The following DLGAP2 variants were observed in gnomAD, a reference collection of about 807,000 sequenced individuals.
DLGAP2 encodes disks large-associated protein 2.
Under a neutral mutation model 100.3 loss-of-function variants are expected in DLGAP2, and 26 were observed. The ratio of observed to expected loss-of-function variants is 0.26; its 90% CI spans 0.19 to 0.36. The LOEUF (loss-of-function observed/expected upper bound fraction) is 0.36, where lower values mean the gene tolerates loss of function less well. Ranked by LOEUF, DLGAP2 falls within the 10% of genes least tolerant of loss-of-function variation. The probability of loss-of-function intolerance (pLI) is 1.00; values close to 1 mark genes in which losing one functional copy is unlikely to be tolerated. For missense variants in DLGAP2, 1,858 were observed against 1,453.2 expected, an observed-to-expected ratio of 1.28 and a Z score of -4.53; for synonymous variants, 886 against 630.1, an observed-to-expected ratio of 1.41 and a Z score of -6.08.
intron 4 of DLGAP2, among the ~76,000 whole-genome samples, chr8:1,506,849 C>G (rs1451062519): frequency 6.6e-6 from 1 of 152,154 alleles, no homozygotes; most frequent in Non-Finnish European, 1.5e-5. Flanking sequence ...ACTAGATGAG[C>G]TAGACACAGA....
intron 1 of DLGAP2, chr8:754,341 T>C (rs149969443): frequency 6.6e-6 from 1 of 152,238 alleles, no homozygotes; most frequent in African/African-American, 2.4e-5. Flanking sequence ...CCTTAAACAA[T>C]GGGACAACTC....
At chr8:1,417,657 C>G (rs546584862) in intron 3 of DLGAP2, among the ~76,000 whole-genome samples, 1 of 146,818 alleles carries the variant, frequency 6.8e-6, no homozygotes, top group African/African-American at 2.6e-5. Context: ...AGCCCCACTC[C>G]TGCCTCACTC....
At chr8:1,222,395 G>T (rs1432886494) in intron 2 of DLGAP2, among the ~76,000 whole-genome samples, 2 of 152,140 alleles carry the variant, frequency 1.3e-5, no homozygotes, top group African/African-American at 4.8e-5. Flanking sequence ...AACCCTGGGG[G>T]GCTAGGACCA....
intron 8 of DLGAP2, among the ~76,000 whole-genome samples, chr8:1,633,890 G>A (rs1797709833): frequency 6.6e-6 from 1 of 152,220 alleles, no homozygotes; most frequent in South Asian, 2.1e-4. Flanking sequence ...AATAGCATTA[G>A]GAACAGCAGA....
At chr8:1,329,415 G>A (rs17816581) in intron 3 of DLGAP2, among the ~76,000 whole-genome samples, 28,513 of 152,098 alleles carry the variant, frequency 0.19, 2,906 homozygotes, top group Admixed American at 0.28. Flanking sequence ...AGCTAGATCC[G>A]TTTTTCGAAG....
intron 3 of DLGAP2, among the ~76,000 whole-genome samples, chr8:1,357,286 G>C (rs1333351941): frequency 6.6e-6 from 1 of 152,074 alleles, no homozygotes; most frequent in Non-Finnish European, 1.5e-5. Context: ...TCAGGGCAGT[G>C]CTTCTCTGGC....
chr8:1,175,920 G>C (rs1223442750), intron 2 of DLGAP2, among the ~76,000 whole-genome samples: 2 of 152,104 alleles, frequency 1.3e-5, no homozygotes, highest in African/African-American at 4.8e-5. Flanking sequence ...CCTCCCTCTC[G>C]GCTTTGCCAT....
Position 1,156,591 on chromosome 8 carries a change from C to CAGCACCCCAGCCT in DLGAP2, c.74-102257_74-102256insACCCCAGCCTAGC, listed in dbSNP as rs1563219975. ...AGCGCCCCTGCTCAGCCCCCCAGCC[C>CAGCACCCCAGCCT]AGCGCCCCAGCCTAGCGTCCCAGCC... On this transcript the variant is annotated intron_variant, in intron 2 of 14. Coordinates refer to ENST00000637795, the MANE Select transcript of DLGAP2 (RefSeq NM_001346810.2). 3.0e-5 allele frequency among the ~76,000 whole-genome samples: 3 copies of CAGCACCCCAGCCT among 99,174 alleles called. No homozygotes were observed. The East Asian group carries it at 8.5e-4, about 28-fold the overall frequency. The allele number at this position is 99,174 out of a possible 152,430, so 65.1% of individuals were successfully genotyped here. A position where few individuals can be genotyped will look rare whatever the true frequency, so the allele number is the denominator to read the frequency against.
chr8:1,139,695 A>T (rs1002791691), intron 2 of DLGAP2, among the ~76,000 whole-genome samples: 2 of 152,102 alleles, frequency 1.3e-5, no homozygotes, highest in Non-Finnish European at 2.9e-5. Flanking sequence ...GCCACCTAGA[A>T]CTGTGGCACC....
intron 3 of DLGAP2, among the ~76,000 whole-genome samples, chr8:1,428,317 T>C (rs1448879947): frequency 6.6e-6 from 1 of 152,080 alleles, no homozygotes; most frequent in African/African-American, 2.4e-5. Flanking sequence ...AAGGACAATT[T>C]GTCTAAAAAA....
chr8:1,484,217 A>G (rs1799181633), intron 3 of DLGAP2, among the ~76,000 whole-genome samples: 1 of 152,238 alleles, frequency 6.6e-6, no homozygotes, highest in African/African-American at 2.4e-5. Context: ...ATGAACAGTG[A>G]GCTGGCTCAG....
rs576527902 is a variant in DLGAP2 at position 1,414,432 on chromosome 8, A to G, written c.107-86934A>G. ...CAGGTCGTGACCCATGGAGCCGGTC[A>G]AGTGTGGGAGGCAAGAGGCATGGGG... is the stretch of plus-strand genomic sequence containing the variant. On this transcript the variant is annotated intron_variant, in intron 3 of 14. Transcript: ENST00000637795. Among the ~76,000 whole-genome samples, 5 of 152,224 alleles carry G rather than the reference A, an allele frequency of 3.3e-5. No individual in the cohort carries two copies. In the South Asian group the frequency reaches 1.0e-3, roughly 32 times the overall value.
At chr8:1,135,027 G>A (rs1185473606) in intron 2 of DLGAP2, among the ~76,000 whole-genome samples, 10 of 152,128 alleles carry the variant, frequency 6.6e-5, no homozygotes, top group Non-Finnish European at 7.3e-5. Context: ...AAGAGACTCC[G>A]ATAAGATGAT....
intron 2 of DLGAP2, among the ~76,000 whole-genome samples, chr8:1,026,952 A>C (rs576862921): frequency 4.6e-5 from 7 of 152,354 alleles, no homozygotes; most frequent in African/African-American, 1.7e-4. Flanking sequence ...CTGTTCTATA[A>C]ATTTTTAAAT....
chr8:1,573,349 G>GA (rs1802825094), intron 6 of DLGAP2, among the ~76,000 whole-genome samples: 1 of 132,324 alleles, frequency 7.6e-6, no homozygotes, highest in Non-Finnish European at 1.6e-5. Context: ...GGAGGGGAGA[G>GA]AGGGGTGAAC....
chr8:766,023 T>G (rs1821205927), intron 1 of DLGAP2, among the ~76,000 whole-genome samples: 1 of 152,074 alleles, frequency 6.6e-6, no homozygotes, highest in African/African-American at 2.4e-5. Context: ...AAAAATCAGC[T>G]GGGCGTGGTG....
chr8:1,473,745 C>A (rs1276269326), intron 3 of DLGAP2, among the ~76,000 whole-genome samples: 2 of 152,094 alleles, frequency 1.3e-5, no homozygotes, highest in Non-Finnish European at 2.9e-5. Context: ...TGGGGTGGGT[C>A]CCTCCATACT....
intron 2 of DLGAP2, among the ~76,000 whole-genome samples, chr8:1,217,766 C>G (rs1402276885): frequency 2.6e-5 from 4 of 152,018 alleles, no homozygotes; most frequent in Admixed American, 2.0e-4. Context: ...TCTCTGCAAC[C>G]TTGACAACAT....
chr8:1,121,074 T>C (rs929621155), intron 2 of DLGAP2, among the ~76,000 whole-genome samples: 27 of 148,352 alleles, frequency 1.8e-4, no homozygotes, highest in African/African-American at 6.8e-4. Context: ...TCCTTATCCC[T>C]TTAGAACCCC....
Sources: allele counts gnomAD v4.1 joint callset (sites outside exome capture counted in the v4.1 genomes callset), GRCh38; gene constraint gnomAD v4.1.1; transcripts MANE v1.5; gene names NCBI Gene and HGNC (gene_info 2026-07-23, HGNC 2026-07-21).